ARSL: variants seen among roughly 807,000 people sequenced by gnomAD.
ARSL encodes arylsulfatase L.
A neutral mutation model predicts 31.1 loss-of-function variants in ARSL; 4 were observed. The ratio of observed to expected loss-of-function variants is 0.13; its 90% CI spans 0.06 to 0.29. The LOEUF (loss-of-function observed/expected upper bound fraction) is 0.29, where lower values mean the gene tolerates loss of function less well. Ranked by LOEUF, ARSL falls within the 10% of genes least tolerant of loss-of-function variation. ARSL has a pLI of 1.00. For synonymous variants in ARSL, 198 were observed against 209.9 expected, an observed-to-expected ratio of 0.94 and a Z score of 0.49; for missense variants, 312 against 497.8, an observed-to-expected ratio of 0.63 and a Z score of 3.55.
upstream of ARSL, among the ~76,000 whole-genome samples, chrX:2,965,507 T>C (rs544977589): frequency 1.9e-4 from 19 of 101,151 alleles, no homozygotes; most frequent in African/African-American, 6.8e-4. Flanking sequence ...TCTCAAAAAT[T>C]ATAGTAATAA....
intron 10 of ARSL, 100 bp from the exon 11 acceptor site, chrX:2,935,290 C>T (rs1320448363): frequency 2.5e-6 from 2 of 811,482 alleles, no homozygotes; most frequent in Admixed American, 2.4e-5. Context: ...CTAACCCAAG[C>T]GTCCATCGAT....
chrX:2,944,262 T>C (rs748391784), intron 7 of ARSL, among the ~76,000 whole-genome samples: 20 of 109,165 alleles, frequency 1.8e-4, no homozygotes, highest in Middle Eastern at 4.7e-3. Flanking sequence ...GAGACCAGCC[T>C]GGCCAACATG....
intron 4 of ARSL, 89 bp downstream of exon 4, chrX:2,955,327 T>TA (rs933718408): frequency 1.8e-6 from 2 of 1,104,173 alleles, no homozygotes; most frequent in East Asian, 3.2e-5. Flanking sequence ...TCTATTTAAA[T>TA]AAAAAATAAA....
chrX:2,962,737 A>C (rs1053239006), intron 1 of ARSL, among the ~76,000 whole-genome samples: 6 of 111,817 alleles, frequency 5.4e-5, no homozygotes, highest in African/African-American at 2.0e-4. Context: ...ATAAATCTCA[A>C]GGCCCGCAAG....
At chrX:2,935,707 T>TTTTA (rs2089191118) in intron 10 of ARSL, among the ~76,000 whole-genome samples, 1 of 83,718 alleles carries the variant, frequency 1.2e-5, no homozygotes, top group African/African-American at 4.0e-5. Flanking sequence ...TTTTTTTTTT[T>TTTTA]ATTTGAGACA....
At chrX:2,958,157 T>C (rs1221967836) in intron 3 of ARSL, 117 bp downstream of exon 3, 1 of 1,001,677 alleles carries the variant, frequency 1.0e-6, no homozygotes, top group Non-Finnish European at 1.4e-6. Context: ...AACGCAGAAG[T>C]GCAGAACTCT....
At chrX:2,961,688 C>G (rs753970480) in intron 1 of ARSL, among the ~76,000 whole-genome samples, 3 of 110,758 alleles carry the variant, frequency 2.7e-5, no homozygotes, top group African/African-American at 9.8e-5. Flanking sequence ...TCTACCGGAC[C>G]CTTCCAATCC....
intron 9 of ARSL, 78 bp downstream of exon 9, chrX:2,938,017 C>A: frequency 1.7e-6 from 2 of 1,195,779 alleles, no homozygotes; most frequent in Admixed American, 4.4e-5. Flanking sequence ...TACTGCAAAG[C>A]CAAAGTGACA....
At chrX:2,959,829 G>A (rs1269169925) in intron 2 of ARSL, 8 of 744,393 alleles carry the variant, frequency 1.1e-5, no homozygotes, top group African/African-American at 8.8e-5. Flanking sequence ...GCCAAGGTGG[G>A]AGCATTGCCT....
chrX:2,954,427 C>G (rs1006852978), intron 4 of ARSL, among the ~76,000 whole-genome samples: 1 of 111,445 alleles, frequency 9.0e-6, no homozygotes, highest in African/African-American at 3.3e-5. Flanking sequence ...TTCCAAGTAG[C>G]TGGGATTACA....
chrX:2,958,841 G>C (rs1407997463), intron 2 of ARSL, among the ~76,000 whole-genome samples: 1 of 111,488 alleles, frequency 9.0e-6, no homozygotes, highest in Non-Finnish European at 1.9e-5. Context: ...ACACAGCTTA[G>C]CTGGGCGTGG....
At chrX:2,947,815 G>A (rs191599310) in intron 6 of ARSL, among the ~76,000 whole-genome samples, 1 of 112,760 alleles carries the variant, frequency 8.9e-6, no homozygotes, top group East Asian at 2.8e-4. Context: ...CATACATTAG[G>A]TATTGCCATG....
chrX:2,963,413 C>A (rs768093152), intron 1 of ARSL, among the ~76,000 whole-genome samples: 10 of 110,646 alleles, frequency 9.0e-5, no homozygotes, highest in Non-Finnish European at 1.9e-4. Flanking sequence ...AATGAGAAAA[C>A]CCCAAACCAC....
rs780219822 is a variant in ARSL at position 2,960,408 on chromosome X, C to G, written c.-8G>C. On this transcript the variant is annotated 5_prime_UTR_variant, in exon 2 of 11. Transcript: ENST00000381134. The stretch of plus-strand genomic sequence containing the variant: ...ATGGTGCAGATGTAACATGTTGTCT[C>G]TCTCTCTACTTCCTGTAAGACATAA... The G allele has an allele frequency of 1.5e-5, 18 of 1,193,221 alleles. No homozygotes were observed. Among genetic ancestry groups the G allele is most frequent in the Non-Finnish European group, 1.8e-5 (16 of 888,822 alleles).
At chrX:2,960,461 A>G (rs1283568812) in intron 1 of ARSL, 41 bp from the exon 2 acceptor site, 1 of 1,182,783 alleles carries the variant, frequency 8.5e-7, no homozygotes, top group African/African-American at 1.8e-5. Flanking sequence ...TTGACAGCAG[A>G]AATTGACCTG....
intron 7 of ARSL, among the ~76,000 whole-genome samples, chrX:2,944,680 T>C (rs211644): frequency 0.54 from 58,569 of 108,016 alleles, 13,958 homozygotes; most frequent in Middle Eastern, 0.8. Flanking sequence ...AAGTTCTTTT[T>C]TGGGAGGCAG....
At chrX:2,942,456 T>C (rs976361035) in intron 8 of ARSL, among the ~76,000 whole-genome samples, 3 of 110,719 alleles carry the variant, frequency 2.7e-5, no homozygotes, top group African/African-American at 9.9e-5. Flanking sequence ...CATGCCCGGC[T>C]AATTTTTGTA....
intron 7 of ARSL, among the ~76,000 whole-genome samples, chrX:2,945,646 G>T (rs897752327): frequency 2.7e-5 from 3 of 111,414 alleles, no homozygotes; most frequent in Admixed American, 1.9e-4. Flanking sequence ...TCCCACATGG[G>T]GATTAGAAAG....
rs1191336105 is a variant in ARSL at position 2,936,803 on chromosome X, G to A, written c.1350C>T (p.His450=). Residue 450 remains histidine, a synonymous_variant, in exon 10 of 11, where the codon CAC becomes CAT. Transcript: ENST00000381134. ...LLLGTAQHSD[H]EFLMHYCERF... ...TCTCACAATAATGCATCAGGAACTCGTGGTCTGAGTGTTGGGCTGTCCCCA... is the reference window on the plus strand; with the variant it reads ...TCTCACAATAATGCATCAGGAACTCATGGTCTGAGTGTTGGGCTGTCCCCA... 6.6e-6 allele frequency: 8 copies of A among 1,209,717 alleles called. No homozygotes were observed. In the African/African-American group the frequency reaches 8.8e-5, roughly 13 times the overall value.
Sources: allele counts gnomAD v4.1 joint callset (sites outside exome capture counted in the v4.1 genomes callset), GRCh38; gene constraint gnomAD v4.1.1; transcripts MANE v1.5; gene names NCBI Gene and HGNC (gene_info 2026-07-23, HGNC 2026-07-21).